The following CFAP299 variants were observed in gnomAD, a reference collection of about 807,000 sequenced individuals.
CFAP299 encodes cilia- and flagella-associated protein 299.
CFAP299 carries 21 observed loss-of-function variants against 27.0 expected under a neutral mutation model. That is an observed-to-expected ratio of 0.78 (90% CI 0.55 to 1.12). The LOEUF (loss-of-function observed/expected upper bound fraction) is 1.12. Ranked by LOEUF, CFAP299 falls within the 50% of genes most tolerant of loss-of-function variation. The pLI, the probability that CFAP299 is intolerant of heterozygous loss-of-function variation, is 0.00. For missense variants in CFAP299, 310 were observed against 276.6 expected, an observed-to-expected ratio of 1.12 and a Z score of -0.86; for synonymous variants, 104 against 98.1, an observed-to-expected ratio of 1.06 and a Z score of -0.36.
intron 3 of CFAP299, among the ~76,000 whole-genome samples, chr4:80,810,449 A>G (rs961726089): frequency 6.6e-6 from 1 of 152,002 alleles, no homozygotes; most frequent in Non-Finnish European, 1.5e-5. Flanking sequence ...ATATATAATT[A>G]GTTAAGAATC....
intron 3 of CFAP299, among the ~76,000 whole-genome samples, chr4:80,637,341 A>T (rs1343102242): frequency 5.3e-5 from 8 of 152,168 alleles, no homozygotes; most frequent in Non-Finnish European, 1.2e-4. Flanking sequence ...ATAGACATGC[A>T]ATTTTTTTCC....
chr4:80,614,882 T>C (rs982561749), intron 3 of CFAP299, among the ~76,000 whole-genome samples: 9 of 152,198 alleles, frequency 5.9e-5, no homozygotes, highest in Non-Finnish European at 1.3e-4. Flanking sequence ...AATGTCAACA[T>C]ACAAGAGACA....
intron 3 of CFAP299, among the ~76,000 whole-genome samples, chr4:80,750,420 A>T (rs552329734): frequency 1.3e-5 from 2 of 152,296 alleles, no homozygotes; most frequent in Non-Finnish European, 2.9e-5. Context: ...AGCTCACGAC[A>T]TGCATGGCAA....
intron 4 of CFAP299, among the ~76,000 whole-genome samples, chr4:80,936,788 TAAAAATAA>T (rs752312003): frequency 5.3e-5 from 8 of 151,318 alleles, no homozygotes; most frequent in Non-Finnish European, 1.0e-4. Flanking sequence ...GTACCTAAAA[TAAAAATAA>T]AAAAATAAAA....
chr4:80,777,699 A>G (rs1726632535), intron 3 of CFAP299, among the ~76,000 whole-genome samples: 1 of 152,160 alleles, frequency 6.6e-6, no homozygotes, highest in African/African-American at 2.4e-5. Context: ...TAACTCAAAG[A>G]AGACATTTAT....
intron 3 of CFAP299, among the ~76,000 whole-genome samples, chr4:80,617,718 A>T (rs1426017056): frequency 6.6e-6 from 1 of 152,174 alleles, no homozygotes; most frequent in Non-Finnish European, 1.5e-5. Flanking sequence ...TATGGAAATG[A>T]ATCCATTTAA....
At chr4:80,848,861 T>C (rs947034468) in intron 3 of CFAP299, among the ~76,000 whole-genome samples, 1 of 152,150 alleles carries the variant, frequency 6.6e-6, no homozygotes, top group Non-Finnish European at 1.5e-5. Flanking sequence ...TGAATGGAGC[T>C]TGTACCACTG....
intron 2 of CFAP299, among the ~76,000 whole-genome samples, chr4:80,489,114 T>A (rs1305251107): frequency 6.7e-6 from 1 of 149,718 alleles, no homozygotes; most frequent in Non-Finnish European, 1.5e-5. Context: ...CCTCTCTGAA[T>A]TTTTTTTTCT....
At chr4:80,716,198 AG>A (rs1396700178) in intron 3 of CFAP299, among the ~76,000 whole-genome samples, 2 of 151,996 alleles carry the variant, frequency 1.3e-5, no homozygotes, top group African/African-American at 2.4e-5. Context: ...AAAATTTTGA[AG>A]TGTTATATTA....
intron 2 of CFAP299, among the ~76,000 whole-genome samples, chr4:80,555,849 A>G (rs1197102976): frequency 5.3e-5 from 8 of 151,934 alleles, no homozygotes; most frequent in Admixed American, 1.3e-4. Flanking sequence ...TAACATTCCT[A>G]TCATTTCTAG....
At chr4:80,593,859 T>G (rs1736914012) in intron 3 of CFAP299, among the ~76,000 whole-genome samples, 1 of 152,194 alleles carries the variant, frequency 6.6e-6, no homozygotes. Flanking sequence ...GCACCACTTT[T>G]GCACCATCAG....
At chr4:80,518,548 T>C (rs559433655) in intron 2 of CFAP299, among the ~76,000 whole-genome samples, 1 of 152,198 alleles carries the variant, frequency 6.6e-6, no homozygotes, top group East Asian at 1.9e-4. Context: ...AGATTACTTT[T>C]CATGAAAAAT....
At chr4:80,815,107 A>C (rs1333379541) in intron 3 of CFAP299, among the ~76,000 whole-genome samples, 4 of 152,046 alleles carry the variant, frequency 2.6e-5, no homozygotes, top group Admixed American at 6.6e-5. Context: ...GGAAGAACAA[A>C]CTAATCCCTA....
At chr4:80,855,689 G>A (rs1033291930) in intron 3 of CFAP299, among the ~76,000 whole-genome samples, 1 of 152,146 alleles carries the variant, frequency 6.6e-6, no homozygotes, top group African/African-American at 2.4e-5. Context: ...AGTTTACTGA[G>A]AATGATGATT....
chr4:80,552,134 G>A (rs186275678), intron 2 of CFAP299, among the ~76,000 whole-genome samples: 72 of 152,244 alleles, frequency 4.7e-4, no homozygotes, highest in African/African-American at 1.7e-3. Context: ...AAATACAAAT[G>A]GTCAAAGAAT....
At chr4:80,936,775 C>A (rs1169924078) in intron 4 of CFAP299, among the ~76,000 whole-genome samples, 2 of 151,652 alleles carry the variant, frequency 1.3e-5, no homozygotes, top group Non-Finnish European at 2.9e-5. Flanking sequence ...CACATGTACT[C>A]CTGTACCTAA....
chr4:80,625,404 A>G (rs975765969), intron 3 of CFAP299, among the ~76,000 whole-genome samples: 1 of 152,044 alleles, frequency 6.6e-6, no homozygotes, highest in Non-Finnish European at 1.5e-5. Context: ...AAAAGCAAGC[A>G]ATCAAAACAA....
chr4:80,763,959 G>T (rs929633183), intron 3 of CFAP299, among the ~76,000 whole-genome samples: 6 of 152,154 alleles, frequency 3.9e-5, no homozygotes, highest in African/African-American at 1.4e-4. Flanking sequence ...ATTAAGTGAA[G>T]ATGGATTAAA....
At chr4:80,735,938 A>G (rs1723837044) in intron 3 of CFAP299, among the ~76,000 whole-genome samples, 1 of 151,958 alleles carries the variant, frequency 6.6e-6, no homozygotes, top group Admixed American at 6.6e-5. Context: ...TATCAGGGTA[A>G]TACTGGCCTC....
Sources: allele counts gnomAD v4.1 joint callset (sites outside exome capture counted in the v4.1 genomes callset), GRCh38; gene constraint gnomAD v4.1.1; transcripts MANE v1.5; gene names NCBI Gene and HGNC (gene_info 2026-07-23, HGNC 2026-07-21).